KIF4A: variants seen among roughly 807,000 people sequenced by gnomAD.
The protein encoded by KIF4A is chromosome-associated kinesin KIF4A.
Under a neutral mutation model 105.9 loss-of-function variants are expected in KIF4A, and 7 were observed. The observed-to-expected ratio is 0.07, with a 90% confidence interval of 0.04 to 0.12. The LOEUF is 0.12. KIF4A is among the 10% of genes least tolerant of loss of function. The pLI, the probability that KIF4A is intolerant of heterozygous loss-of-function variation, is 1.00. For synonymous variants in KIF4A, 281 were observed against 331.3 expected (o/e 0.85, Z 1.65); for missense variants, 558 against 929.2 (o/e 0.60, Z 5.19).
rs144559303 is a variant in KIF4A at position 70,397,700 on chromosome X, T to C, written c.2489+1651T>C. On this transcript the variant is annotated intron_variant, in intron 22 of 30. Coordinates refer to ENST00000374403, the MANE Select transcript of KIF4A (RefSeq NM_012310.5). ...ACCTTGACAGAGATTTTATCGTGTT[T>C]TAGGATAATAGAACCTTGGGATCAT... is the stretch of plus-strand genomic sequence containing the variant. Among the ~76,000 whole-genome samples the C allele has an allele frequency of 1.5e-3, 171 of 112,262 alleles. 5 individuals carry two copies. In the East Asian group the frequency reaches 0.023, roughly 15 times the overall value.
rs376405554 is a variant in KIF4A, at chrX:70,405,915, T to A, written c.2976+10T>A. On this transcript the variant is annotated intron_variant, in intron 26 of 30. Transcript: ENST00000374403. ...TGAAATCATCAAGCAGGTAATACAG[T>A]TTCCCACCCACTTGATAAGCCCTAA... 105 of 1,187,347 alleles carry A rather than the reference T, an allele frequency of 8.8e-5. 2 individuals carry two copies. Among genetic ancestry groups the A allele is most frequent in the Admixed American group, 7.5e-4 (34 of 45,572 alleles).
At position 70,397,516 on chromosome X, in the gene KIF4A, G is replaced by A. The variant is rs187121713; in HGVS notation, c.2489+1467G>A. ...CTCTTGAGACTGTGTTCCCTGTGCC[G>A]TGGTCACTCATATTGGCTCTAAAAA... On this transcript the variant is annotated intron_variant, in intron 22 of 30. Coordinates refer to ENST00000374403, the MANE Select transcript of KIF4A (RefSeq NM_012310.5). Among the ~76,000 whole-genome samples the A allele has an allele frequency of 2.0e-4, 23 of 112,343 alleles. No homozygotes were observed. The East Asian group carries it at 6.1e-3, about 30-fold the overall frequency.
At chrX:70,386,767 A>G (rs2086219348) in intron 19 of KIF4A, 66 bp downstream of exon 19, 1 of 833,565 alleles carries the variant, frequency 1.2e-6, no homozygotes, top group Admixed American at 2.3e-5. Context: ...TTGCAAAGTA[A>G]TATCCTTTAA....
rs1408209854 is a variant in KIF4A at position 70,401,117 on chromosome X, G to A, written c.2490-1449G>A. ...TTTTTTTGAGATGGAGTCTTGCTCT[G>A]TCGCCAGGCTGGAGTGCAGTGGCAC... is the stretch of plus-strand genomic sequence containing the variant. On this transcript the variant is annotated intron_variant, in intron 22 of 30. Coordinates refer to ENST00000374403, the MANE Select transcript of KIF4A (RefSeq NM_012310.5). Among the ~76,000 whole-genome samples the A allele has an allele frequency of 8.2e-5, 7 of 85,032 alleles. No individual in the cohort carries two copies. In the Admixed American group the frequency reaches 9.0e-4, roughly 11 times the overall value. The allele number at this position is 85,032 out of a possible 115,157, so 73.8% of individuals were successfully genotyped here. A position where few individuals can be genotyped will look rare whatever the true frequency, so the allele number is the denominator to read the frequency against.
At chrX:70,401,603 G>A (rs1247239104) in intron 22 of KIF4A, among the ~76,000 whole-genome samples, 1 of 109,357 alleles carries the variant, frequency 9.1e-6, no homozygotes, top group African/African-American at 3.3e-5. Flanking sequence ...GTTTCACCAG[G>A]TTGGCCAGGC....
At chrX:70,393,051 T>A (rs1476117826) in intron 20 of KIF4A, among the ~76,000 whole-genome samples, 1 of 109,366 alleles carries the variant, frequency 9.1e-6, no homozygotes, top group African/African-American at 3.3e-5. Flanking sequence ...CTTTCTTTTC[T>A]AATATAGGCA....
intron 18 of KIF4A, among the ~76,000 whole-genome samples, chrX:70,386,085 G>T (rs926204446): frequency 1.3e-4 from 14 of 109,059 alleles, no homozygotes; most frequent in African/African-American, 4.3e-4. Context: ...GTGTACCCAG[G>T]TTAACCTTGT....
chrX:70,371,549 C>T (rs898368794), intron 15 of KIF4A, among the ~76,000 whole-genome samples: 31 of 109,548 alleles, frequency 2.8e-4, no homozygotes, highest in African/African-American at 8.3e-4. Context: ...CCAGTAGGGG[C>T]GGCCGGGCAG....
chrX:70,329,279 A>G, intron 7 of KIF4A, 126 bp from the exon 8 acceptor site: 1 of 614,881 alleles, frequency 1.6e-6, no homozygotes, highest in Non-Finnish European at 2.5e-6. Flanking sequence ...AAGATTAAGA[A>G]GTTTTCTCAA....
chrX:70,312,540 T>C (rs2147666369), intron 7 of KIF4A, among the ~76,000 whole-genome samples: 1 of 112,318 alleles, frequency 8.9e-6, no homozygotes, highest in South Asian at 3.7e-4. Flanking sequence ...CAAGTTGTCT[T>C]GTAGAATTTC....
intron 24 of KIF4A, 30 bp downstream of exon 24, chrX:70,404,064 TG>T: frequency 8.4e-7 from 1 of 1,190,461 alleles, no homozygotes; most frequent in African/African-American, 1.7e-5. Context: ...GAAGCTATAC[TG>T]TGAAACTATC....
chrX:70,384,665 A>G (rs2086210408), intron 18 of KIF4A, among the ~76,000 whole-genome samples: 1 of 110,861 alleles, frequency 9.0e-6, no homozygotes, highest in Non-Finnish European at 1.9e-5. Context: ...TGGAGGTTGC[A>G]GTGAGCAGAG....
chrX:70,384,533 C>G (rs1160860122), intron 18 of KIF4A, among the ~76,000 whole-genome samples: 1 of 109,911 alleles, frequency 9.1e-6, no homozygotes, highest in Admixed American at 9.8e-5. Context: ...CCAGCCTGAC[C>G]AACATGCTGA....
At chrX:70,302,509 A>G in intron 7 of KIF4A, 111 bp downstream of exon 7, 1 of 748,135 alleles carries the variant, frequency 1.3e-6, no homozygotes. Flanking sequence ...AGTAGCTACG[A>G]TTCAGATTTG....
rs190408847 is a variant in KIF4A at position 70,350,094 on chromosome X, G to T, written c.1432-2506G>T. ...ACTTCCTAGATGGGGTGGCGGCCGG[G>T]CAGAGGCTGTAATCTTAGCACTTTC... On this transcript the variant is annotated intron_variant, in intron 13 of 30. Transcript: ENST00000374403. Among the ~76,000 whole-genome samples, 414 of 113,921 alleles carry T rather than the reference G, an allele frequency of 3.6e-3. 20 individuals carry two copies. The East Asian group carries it at 0.065, about 18-fold the overall frequency.
chrX:70,403,812 A>G, intron 23 of KIF4A, 52 bp from the exon 24 acceptor site: 2 of 1,075,133 alleles, frequency 1.9e-6, no homozygotes, highest in Non-Finnish European at 2.5e-6. Context: ...TGAAAGGGGG[A>G]AAGAAAGGTG....
At chrX:70,345,766 C>T (rs1178584941) in intron 13 of KIF4A, among the ~76,000 whole-genome samples, 1 of 111,399 alleles carries the variant, frequency 9.0e-6, no homozygotes, top group Non-Finnish European at 1.9e-5. Context: ...TGTAGTTTCT[C>T]AGTTGGTCAA....
intron 7 of KIF4A, among the ~76,000 whole-genome samples, chrX:70,308,457 C>T (rs1398396482): frequency 2.7e-5 from 3 of 112,392 alleles, no homozygotes; most frequent in African/African-American, 9.7e-5. Flanking sequence ...GAGGTGAACA[C>T]TTTCATCTGA....
chrX:70,420,080 G>C lies in KIF4A; in HGVS notation c.3514G>C (p.Asp1172His). 1 of 1,210,772 alleles carries C rather than the reference G, an allele frequency of 8.3e-7. No homozygotes were observed. Among genetic ancestry groups the C allele is most frequent in the Non-Finnish European group, 1.1e-6 (1 of 895,024 alleles). Residue 1172 changes from aspartate (D) to histidine (H), a missense_variant, in exon 31 of 31, where the codon GAT (aspartate) becomes CAT (histidine). Physicochemically the swap from Asp to His is moderately conservative, Grantham distance 81 (BLOSUM62 -1). Around this residue, in one of 2 missense-constraint regions of KIF4A, gnomAD observed 469 missense variants for 680.4 expected, o/e 0.69. Transcript: ENST00000374403. ...PNSKILKEMC[D>H]VEQVLSKKTP... is the part of the protein sequence containing the mutation. ...CTCCTAGATCCTGAAAGAGATGTGC[G>C]ATGTGGAGCAGGTGCTGTCAAAGAA...
Sources: gnomAD v4.1 joint callset for allele counts (sites outside exome capture counted in the v4.1 genomes callset) on GRCh38, gnomAD v4.1.1 for gene constraint, gnomAD v4.1.1 regional missense constraint, MANE v1.5 for transcripts, NCBI Gene and HGNC (gene_info 2026-07-23, HGNC 2026-07-21) for gene names.